RGS6: variants seen among roughly 807,000 people sequenced by gnomAD.
RGS6 encodes the protein regulator of G protein signaling 6, also known as regulator of G-protein signaling 6.
In RGS6, 30 loss-of-function variants were observed where a neutral mutation model predicts 78.5. The observed-to-expected ratio is 0.38, with a 90% CI of 0.29 to 0.52. The LOEUF is 0.52. Among genes scored for constraint, RGS6 ranks in the 20% least tolerant of loss-of-function variants. The pLI is 0.85. For synonymous variants in RGS6, 206 were observed against 206.0 expected, an observed-to-expected ratio of 1.00 and a Z score of 0.00; for missense variants, 495 against 609.7, an observed-to-expected ratio of 0.81 and a Z score of 1.98.
chr14:72,349,372 T>C (rs930125619), intron 2 of RGS6, among the ~76,000 whole-genome samples: 1 of 151,938 alleles, frequency 6.6e-6, no homozygotes, highest in East Asian at 1.9e-4. Flanking sequence ...GCCATGCAGG[T>C]ACATAGCAAG....
chr14:71,878,900 G>T, the RGS6 span, among the ~76,000 whole-genome samples: 2 of 152,102 alleles, frequency 1.3e-5, no homozygotes, highest in Non-Finnish European at 2.9e-5. Context: ...TTTCTTTAGG[G>T]GTGCTGATGT....
chr14:72,280,860 C>T (rs369405884), intron 2 of RGS6, among the ~76,000 whole-genome samples: 5 of 152,296 alleles, frequency 3.3e-5, no homozygotes, highest in Non-Finnish European at 5.9e-5. Context: ...ACTCTTCAAA[C>T]GGCCAAATGC....
intron 4 of RGS6, among the ~76,000 whole-genome samples, chr14:72,455,925 T>A (rs1179478759): frequency 6.6e-6 from 1 of 152,250 alleles, no homozygotes; most frequent in Non-Finnish European, 1.5e-5. Context: ...CTTTGCCTCC[T>A]AAAATAATCG....
In RGS6 at chr14:72,131,846, A is replaced by G. The variant is rs139246419; in HGVS notation, c.84+166971A>G. On this transcript the variant is annotated intron_variant, in intron 2 of 17. Coordinates refer to ENST00000553525, the MANE Select transcript of RGS6 (RefSeq NM_001204424.2). The stretch of plus-strand genomic sequence containing the variant: ...CTGTTCAATAGATTTGAGATAATCT[A>G]TTAATTTAGAATGCTTACTAGAAGC... Among the ~76,000 whole-genome samples the G allele has an allele frequency of 4.4e-3, 671 of 152,368 alleles. 5 individuals carry two copies. Among genetic ancestry groups the G allele is most frequent in the African/African-American group, 0.015 (620 of 41,588 alleles).
chr14:72,078,499 C>T (rs1298098354), intron 2 of RGS6, among the ~76,000 whole-genome samples: 2 of 152,042 alleles, frequency 1.3e-5, no homozygotes, highest in East Asian at 1.9e-4. Flanking sequence ...CTGCAACCTC[C>T]GCCTCCCAGG....
At chr14:72,612,872 G>A in the RGS6 span, among the ~76,000 whole-genome samples, 1 of 152,220 alleles carries the variant, frequency 6.6e-6, no homozygotes. Flanking sequence ...TGCAGAGGCT[G>A]AGAGCTGGAG....
intron 17 of RGS6, among the ~76,000 whole-genome samples, chr14:72,544,956 G>A (rs2097372737): frequency 1.3e-5 from 2 of 152,212 alleles, no homozygotes; most frequent in South Asian, 2.1e-4. Flanking sequence ...TCAGCCAACC[G>A]GCAGAAGCAG....
chr14:71,924,447 C>A, the RGS6 span, among the ~76,000 whole-genome samples: 1 of 152,248 alleles, frequency 6.6e-6, no homozygotes, highest in Admixed American at 6.5e-5. Context: ...GTGCACAAGA[C>A]AATATTATAA....
the RGS6 span, among the ~76,000 whole-genome samples, chr14:72,573,846 T>C: frequency 6.6e-6 from 1 of 152,140 alleles, no homozygotes; most frequent in Non-Finnish European, 1.5e-5. Flanking sequence ...TACACACACA[T>C]GCACGTGCAC....
chr14:72,441,660 T>G (rs2095207268), intron 3 of RGS6, among the ~76,000 whole-genome samples: 1 of 152,240 alleles, frequency 6.6e-6, no homozygotes, highest in Non-Finnish European at 1.5e-5. Flanking sequence ...ACTCCTTCCC[T>G]GTCCTCAGAC....
intron 3 of RGS6, among the ~76,000 whole-genome samples, chr14:72,360,974 A>G (rs2081332331): frequency 6.6e-6 from 1 of 152,096 alleles, no homozygotes; most frequent in Non-Finnish European, 1.5e-5. Flanking sequence ...TCTTCTTCAC[A>G]GACTCTCTTG....
chr14:72,035,283 T>C (rs189332165), intron 2 of RGS6, among the ~76,000 whole-genome samples: 54 of 118,938 alleles, frequency 4.5e-4, no homozygotes, highest in Admixed American at 3.9e-3. Context: ...TACTGGCATA[T>C]GCTTATTCAT....
chr14:72,028,820 T>G (rs1290297594), intron 2 of RGS6, among the ~76,000 whole-genome samples: 2 of 152,242 alleles, frequency 1.3e-5, no homozygotes, highest in Admixed American at 1.3e-4. Context: ...TTGTTGCTTT[T>G]GGCTGTCTAG....
chr14:72,053,994 T>G (rs1400119054), intron 2 of RGS6, among the ~76,000 whole-genome samples: 1 of 152,234 alleles, frequency 6.6e-6, no homozygotes, highest in Non-Finnish European at 1.5e-5. Context: ...TGGTTGAGAT[T>G]AATTTCACAT....
chr14:72,541,304 T>A, intron 17 of RGS6: 17 of 889,586 alleles, frequency 1.9e-5, no homozygotes, highest in Non-Finnish European at 2.0e-5. Flanking sequence ...CCTAGTCATT[T>A]ACGTGTCGTA....
intron 11 of RGS6, chr14:72,477,354 T>C (rs2096264391): frequency 6.5e-6 from 1 of 153,420 alleles, no homozygotes; most frequent in South Asian, 2.1e-4. Flanking sequence ...TTCTGATATT[T>C]ACTGGTAACA....
rs544727078 is a variant in RGS6 at position 72,163,613 on chromosome 14, A to G, written c.85-188482A>G. ...AAAATGGAGTTGTGAGGCTGGGTGC[A>G]GTGGCTCACGCCTGTAATCCCAGTA... On this transcript the variant is annotated intron_variant, in intron 2 of 17. Coordinates refer to ENST00000553525, the MANE Select transcript of RGS6 (RefSeq NM_001204424.2). Among the ~76,000 whole-genome samples the G allele has an allele frequency of 2.6e-5, 4 of 152,320 alleles. No homozygotes were observed. The East Asian group carries it at 5.8e-4, about 22-fold the overall frequency.
intron 2 of RGS6, among the ~76,000 whole-genome samples, chr14:72,168,280 G>A (rs2096957196): frequency 6.6e-6 from 1 of 151,984 alleles, no homozygotes; most frequent in Non-Finnish European, 1.5e-5. Context: ...TCAAACAGAT[G>A]GTCCCCCACA....
At chr14:72,483,859 A>G (rs2096433130) in intron 12 of RGS6, among the ~76,000 whole-genome samples, 1 of 151,980 alleles carries the variant, frequency 6.6e-6, no homozygotes, top group African/African-American at 2.4e-5. Flanking sequence ...ATTCACCTTC[A>G]TGCTCCTTCA....
Sources: gnomAD v4.1 joint callset for allele counts (sites outside exome capture counted in the v4.1 genomes callset) on GRCh38, gnomAD v4.1.1 for gene constraint, MANE v1.5 for transcripts, NCBI Gene and HGNC (gene_info 2026-07-23, HGNC 2026-07-21) for gene names.